Variants in FNDC3B observed in about 807,000 individuals in gnomAD.
The protein encoded by FNDC3B is fibronectin type III domain-containing protein 3B.
FNDC3B carries 12 observed loss-of-function variants against 151.5 expected under a neutral mutation model. The ratio of observed to expected loss-of-function variants is 0.08; its 90% CI spans 0.05 to 0.13. FNDC3B has a LOEUF of 0.13. Among genes scored for constraint, FNDC3B ranks in the 10% least tolerant of loss-of-function variants. The pLI is 1.00. For missense variants in FNDC3B, 1,214 were observed against 1,505.3 expected, an observed-to-expected ratio of 0.81 and a Z score of 3.20; for synonymous variants, 528 against 549.0, an observed-to-expected ratio of 0.96 and a Z score of 0.54.
At chr3:172,124,146 A>C (rs1194143896) in intron 2 of FNDC3B, among the ~76,000 whole-genome samples, 1 of 151,976 alleles carries the variant, frequency 6.6e-6, no homozygotes, top group Non-Finnish European at 1.5e-5. Context: ...GCTGGAGTGC[A>C]ATGGCGCGAT....
chr3:172,126,134 A>G (rs1410666182), intron 2 of FNDC3B, among the ~76,000 whole-genome samples: 4 of 151,964 alleles, frequency 2.6e-5, no homozygotes, highest in Non-Finnish European at 4.4e-5. Context: ...GTGCCTGGAC[A>G]TTATTTGTCC....
intron 23 of FNDC3B, among the ~76,000 whole-genome samples, chr3:172,372,681 G>T (rs1734938412): frequency 6.6e-6 from 1 of 152,082 alleles, no homozygotes; most frequent in Non-Finnish European, 1.5e-5. Flanking sequence ...CCAGTAGCCT[G>T]GGGAGAGGCC....
At chr3:172,086,924 A>C (rs1225040731) in intron 1 of FNDC3B, among the ~76,000 whole-genome samples, 1 of 152,204 alleles carries the variant, frequency 6.6e-6, no homozygotes, top group Non-Finnish European at 1.5e-5. Flanking sequence ...TGTGTCACAT[A>C]CCTTAGAAAT....
intron 1 of FNDC3B, among the ~76,000 whole-genome samples, chr3:172,091,680 G>T (rs778115418): frequency 1.3e-5 from 2 of 152,250 alleles, no homozygotes; most frequent in South Asian, 4.1e-4. Context: ...ATAAGAATAC[G>T]TATTCATATC....
intron 24 of FNDC3B, among the ~76,000 whole-genome samples, chr3:172,379,073 G>A (rs149707597): frequency 3.3e-5 from 5 of 152,286 alleles, no homozygotes; most frequent in South Asian, 2.1e-4. Flanking sequence ...TTCTTCCACC[G>A]GGTCTGCTGA....
chr3:172,158,639 T>C (rs1029829725), intron 3 of FNDC3B, among the ~76,000 whole-genome samples: 3 of 152,194 alleles, frequency 2.0e-5, no homozygotes, highest in African/African-American at 7.2e-5. Flanking sequence ...GGAAAAAGTT[T>C]TTCATTTTGA....
chr3:172,104,330 T>C (rs1230515559), intron 1 of FNDC3B, among the ~76,000 whole-genome samples: 2 of 152,154 alleles, frequency 1.3e-5, no homozygotes, highest in Admixed American at 1.3e-4. Context: ...TCAGAGCTAA[T>C]TATTTTATTG....
At chr3:172,203,819 G>C (rs538591136) in intron 3 of FNDC3B, among the ~76,000 whole-genome samples, 2 of 152,104 alleles carry the variant, frequency 1.3e-5, no homozygotes, top group Non-Finnish European at 2.9e-5. Context: ...GGTATTTCCC[G>C]TCACTTTTTT....
intron 4 of FNDC3B, among the ~76,000 whole-genome samples, chr3:172,228,781 TAACTTCATTTCA>T (rs1452283109): frequency 1.3e-5 from 2 of 152,216 alleles, no homozygotes; most frequent in African/African-American, 4.8e-5. Flanking sequence ...TGTGAATGAC[TAACTTCATTTCA>T]ATTGGGCTCC....
At chr3:172,067,082 G>A (rs765377149) in intron 1 of FNDC3B, among the ~76,000 whole-genome samples, 1 of 152,116 alleles carries the variant, frequency 6.6e-6, no homozygotes, top group Admixed American at 6.5e-5. Context: ...TCTTTCTCCT[G>A]TGCAGATATA....
chr3:172,092,859 G>A (rs539251705), intron 1 of FNDC3B, among the ~76,000 whole-genome samples: 6 of 152,296 alleles, frequency 3.9e-5, no homozygotes, highest in East Asian at 1.9e-4. Context: ...AGGCCGGAGC[G>A]CAGTGGCATG....
chr3:172,226,838 T>G (rs1726610507), intron 3 of FNDC3B, 33 bp from the exon 4 acceptor site: 1 of 1,308,076 alleles, frequency 7.6e-7, no homozygotes, highest in African/African-American at 1.5e-5. Context: ...TGTATGTTTC[T>G]TCAGCTATTA....
intron 3 of FNDC3B, among the ~76,000 whole-genome samples, chr3:172,220,156 C>T (rs1726205126): frequency 9.2e-6 from 1 of 109,046 alleles, no homozygotes; most frequent in African/African-American, 3.9e-5. Context: ...TTTGTCAACA[C>T]TTGTTATTTT....
intron 3 of FNDC3B, among the ~76,000 whole-genome samples, chr3:172,139,946 C>G (rs1286708647): frequency 6.6e-6 from 1 of 152,104 alleles, no homozygotes; most frequent in African/African-American, 2.4e-5. Context: ...CAGGCATGAG[C>G]CAGTGTGCCT....
At position 172,279,641 on chromosome 3, in the gene FNDC3B, A is replaced by G. The variant is rs138301826; in HGVS notation, c.791-6285A>G. On this transcript the variant is annotated intron_variant, in intron 6 of 25. Coordinates refer to ENST00000415807, the MANE Select transcript of FNDC3B (RefSeq NM_022763.4). ...TGATATCTCAAGATATTTCTGGAAT[A>G]GTTGTTTTTGGAGATTAACTGCATT... Among the ~76,000 whole-genome samples, 1,307 of 152,270 alleles carry G rather than the reference A, an allele frequency of 8.6e-3. 27 individuals carry two copies. Among genetic ancestry groups the G allele is most frequent in the African/African-American group, 0.03 (1,235 of 41,546 alleles).
chr3:172,316,685 C>T (rs577831053), intron 11 of FNDC3B, among the ~76,000 whole-genome samples: 1 of 152,320 alleles, frequency 6.6e-6, no homozygotes, highest in Non-Finnish European at 1.5e-5. Context: ...GCTGCTGCAG[C>T]TGTCAGAACA....
At chr3:172,117,119 C>T (rs1720298552) in intron 2 of FNDC3B, among the ~76,000 whole-genome samples, 1 of 152,090 alleles carries the variant, frequency 6.6e-6, no homozygotes, top group African/African-American at 2.4e-5. Context: ...AATTGAGTAG[C>T]TTTATTTTGA....
chr3:172,066,735 A>G (rs962689782), intron 1 of FNDC3B, among the ~76,000 whole-genome samples: 1 of 152,248 alleles, frequency 6.6e-6, no homozygotes, highest in South Asian at 2.1e-4. Context: ...AGAAAATGCT[A>G]CACATGGAGA....
chr3:172,130,057 G>C (rs565734545), intron 2 of FNDC3B, among the ~76,000 whole-genome samples: 3 of 152,054 alleles, frequency 2.0e-5, no homozygotes, highest in African/African-American at 7.2e-5. Context: ...GTTAAGTGCC[G>C]GGAGTTGGCC....
Sources: allele counts gnomAD v4.1 joint callset (sites outside exome capture counted in the v4.1 genomes callset), GRCh38; gene constraint gnomAD v4.1.1; transcripts MANE v1.5; gene names NCBI Gene and HGNC (gene_info 2026-07-23, HGNC 2026-07-21).